Variants in ACTR3 observed in about 807,000 individuals in gnomAD.
The protein encoded by ACTR3 is actin related protein 3, also known as actin-related protein 3.
ACTR3 carries 12 observed loss-of-function variants against 56.8 expected under a neutral mutation model. That is an observed-to-expected ratio of 0.21 (90% CI 0.14 to 0.34). The LOEUF is 0.34. Ranked by LOEUF, ACTR3 falls within the 10% of genes least tolerant of loss-of-function variation. ACTR3 has a pLI of 1.00. For synonymous variants in ACTR3, 162 were observed against 167.4 expected (o/e 0.97, Z 0.25); for missense variants, 282 against 512.5 (o/e 0.55, Z 4.34).
chr2:113,896,829 A>G (rs187207818), intron 1 of ACTR3, among the ~76,000 whole-genome samples: 32 of 152,318 alleles, frequency 2.1e-4, no homozygotes, highest in Admixed American at 3.9e-4. Flanking sequence ...ATGTCATTCA[A>G]TTTTCTAAGA....
rs565677755 is a variant in ACTR3, at chr2:113,961,016, C to A, written c.*3561C>A. 3 of 152,104 alleles carry A rather than the reference C, an allele frequency of 2.0e-5. No homozygotes were observed. Among genetic ancestry groups the A allele is most frequent in the South Asian group, 4.1e-4 (2 of 4,826 alleles). The allele number at this position is 152,104 out of a possible 1,614,324, so 9.4% of individuals were successfully genotyped here. On this transcript the variant is annotated 3_prime_UTR_variant, in exon 12 of 12. Transcript: ENST00000263238. ...TAAATACCTTGTTCTTGTATTAGGTCTATATCCTGAATTGACCTTTAGCAA... is the reference window on the plus strand; with the variant it reads ...TAAATACCTTGTTCTTGTATTAGGTATATATCCTGAATTGACCTTTAGCAA...
rs748742756 is a variant in ACTR3, at chr2:113,931,534, T to C, written c.432+138T>C. ...AAGCATGTTATACTTCTCTCCTGAA[T>C]TGTTAATTTAGAAGTAATATTATGG... On this transcript the variant is annotated intron_variant, in intron 5 of 11. Coordinates refer to ENST00000263238, the MANE Select transcript of ACTR3 (RefSeq NM_005721.5). 44 of 450,210 alleles carry C rather than the reference T, an allele frequency of 9.8e-5. No homozygotes were observed. In the Middle Eastern group the frequency reaches 4.0e-3, roughly 41 times the overall value. 27.9% of individuals were successfully genotyped at this position (450,210 alleles called of 1,614,324 possible).
At position 113,898,712 on chromosome 2, in the gene ACTR3, T is replaced by C. The variant is rs186397203; in HGVS notation, c.44+8389T>C. On this transcript the variant is annotated intron_variant, in intron 1 of 11. Transcript: ENST00000263238. ...CAGATGACTTTCATAAAATGAATGC[T>C]CTCTTTAAAAAAATTTTTCTTTATG... Among the ~76,000 whole-genome samples, 13 of 152,312 alleles carry C rather than the reference T, an allele frequency of 8.5e-5. No homozygotes were observed. The East Asian group carries it at 2.3e-3, about 27-fold the overall frequency.
At chr2:113,953,536 A>G (rs1680157227) in intron 10 of ACTR3, 2 of 152,300 alleles carry the variant, frequency 1.3e-5, no homozygotes, top group Middle Eastern at 3.4e-3. Context: ...TCTTCACCTT[A>G]GTTTTACTTG....
chr2:113,939,951 C>G lies in ACTR3; in HGVS notation c.541-8C>G, dbSNP rs758428884. The G allele has an allele frequency of 1.3e-6, 2 of 1,555,592 alleles. No homozygotes were observed. Among genetic ancestry groups the G allele is most frequent in the Non-Finnish European group, 1.7e-6 (2 of 1,145,568 alleles). On this transcript the variant is annotated splice_polypyrimidine_tract_variant and splice_region_variant and intron_variant, in intron 6 of 11. Coordinates refer to ENST00000263238, the MANE Select transcript of ACTR3 (RefSeq NM_005721.5). ...AAGTAAATTTGGTATCTTTTTTCCC[C>G]TCTCTAGGCTGAAGGGTATGTGATT... is the stretch of plus-strand genomic sequence containing the variant.
At chr2:113,949,341 G>A (rs1275354421) in intron 8 of ACTR3, among the ~76,000 whole-genome samples, 2 of 135,398 alleles carry the variant, frequency 1.5e-5, no homozygotes, top group Non-Finnish European at 3.0e-5. Flanking sequence ...TTGCGCCACT[G>A]CACTCCAGCC....
intron 3 of ACTR3, among the ~76,000 whole-genome samples, chr2:113,919,451 A>G (rs573225167): frequency 6.6e-6 from 1 of 152,116 alleles, no homozygotes. Context: ...TATTCTAGGG[A>G]TTCTGATTAT....
chr2:113,927,310 A>T, intron 3 of ACTR3, 35 bp from the exon 4 acceptor site: 1 of 1,360,260 alleles, frequency 7.4e-7, no homozygotes. Flanking sequence ...TATATTAATA[A>T]GATTTAATTT....
chr2:113,951,265 A>G, intron 8 of ACTR3: 1 of 427,754 alleles, frequency 2.3e-6, no homozygotes, highest in South Asian at 3.4e-5. Context: ...ATGACTTTAC[A>G]TGTTTGCTAT....
chr2:113,909,574 C>T (rs569672461), intron 1 of ACTR3, among the ~76,000 whole-genome samples: 2 of 150,784 alleles, frequency 1.3e-5, no homozygotes, highest in African/African-American at 4.9e-5. Context: ...GAAAGACTTC[C>T]TGGAGAAGTT....
intron 4 of ACTR3, among the ~76,000 whole-genome samples, chr2:113,927,980 A>G (rs942060831): frequency 3.3e-5 from 5 of 152,140 alleles, no homozygotes; most frequent in African/African-American, 1.2e-4. Flanking sequence ...AATTTTAACA[A>G]AGTTTGCCCT....
At chr2:113,925,715 A>T (rs1015665569) in intron 3 of ACTR3, among the ~76,000 whole-genome samples, 2 of 152,188 alleles carry the variant, frequency 1.3e-5, no homozygotes, top group African/African-American at 2.4e-5. Flanking sequence ...AGTAAACTGC[A>T]ATTTTTTCCT....
chr2:113,934,112 T>C (rs575429496), intron 5 of ACTR3, 167 bp from the exon 6 acceptor site: 1 of 566,210 alleles, frequency 1.8e-6, no homozygotes, highest in East Asian at 3.2e-5. Context: ...AGTGAGCTAT[T>C]TTATTGCATA....
At chr2:113,892,326 G>T (rs1678920074) in intron 1 of ACTR3, among the ~76,000 whole-genome samples, 1 of 152,174 alleles carries the variant, frequency 6.6e-6, no homozygotes, top group Non-Finnish European at 1.5e-5. Flanking sequence ...TATCACAATA[G>T]TGTATTTTTA....
chr2:113,935,185 C>T (rs1679804338), intron 6 of ACTR3, among the ~76,000 whole-genome samples: 1 of 152,156 alleles, frequency 6.6e-6, no homozygotes, highest in African/African-American at 2.4e-5. Flanking sequence ...TTAGTAATAA[C>T]TGCCATTGTT....
intron 1 of ACTR3, among the ~76,000 whole-genome samples, chr2:113,903,621 TGCCTCCTGGGTTAAA>T (rs1435530574): frequency 6.6e-6 from 1 of 151,500 alleles, no homozygotes; most frequent in African/African-American, 2.4e-5. Flanking sequence ...CTGAAACCTC[TGCCTCCTGGGTTAAA>T]GCAATTCTCC....
At chr2:113,956,406 ATTATT>A (rs1680214699) in intron 11 of ACTR3, among the ~76,000 whole-genome samples, 1 of 149,496 alleles carries the variant, frequency 6.7e-6, no homozygotes, top group Admixed American at 6.7e-5. Flanking sequence ...CTTGCTAGAC[ATTATT>A]TTAGAGTGAC....
At chr2:113,943,645 C>A (rs544862707) in intron 8 of ACTR3, among the ~76,000 whole-genome samples, 8 of 152,198 alleles carry the variant, frequency 5.3e-5, no homozygotes, top group African/African-American at 1.9e-4. Flanking sequence ...ATAGAATCAA[C>A]ATAATCAGTA....
rs181936258 is a variant in ACTR3, at chr2:113,944,692, G to A, written c.858+2333G>A. On this transcript the variant is annotated intron_variant, in intron 8 of 11. Transcript: ENST00000263238. ...CAGGAGAATGGCGTGAACCCAGGAG[G>A]TGGAGCTTGCAGTGAGCCGAGATCA... 1.4e-4 allele frequency among the ~76,000 whole-genome samples: 22 copies of A among 152,048 alleles called. 1 individual carries two copies. In the East Asian group the frequency reaches 4.3e-3, roughly 29 times the overall value.
Sources: gnomAD v4.1 joint callset for allele counts (sites outside exome capture counted in the v4.1 genomes callset) on GRCh38, gnomAD v4.1.1 for gene constraint, MANE v1.5 for transcripts, NCBI Gene and HGNC (gene_info 2026-07-23, HGNC 2026-07-21) for gene names.